The following ZNF385D variants were observed in gnomAD, a reference collection of about 807,000 sequenced individuals.
ZNF385D encodes the protein zinc finger protein 659.
A neutral mutation model predicts 35.8 loss-of-function variants in ZNF385D; 15 were observed. The observed-to-expected ratio is 0.42, with a 90% confidence interval of 0.28 to 0.64. The LOEUF (loss-of-function observed/expected upper bound fraction) is 0.64, where lower values mean the gene tolerates loss of function less well. Ranked by LOEUF, ZNF385D falls within the 30% of genes least tolerant of loss-of-function variation. ZNF385D has a pLI of 0.23. For synonymous variants in ZNF385D, 212 were observed against 186.8 expected, an observed-to-expected ratio of 1.13 and a Z score of -1.10; for missense variants, 474 against 494.6, an observed-to-expected ratio of 0.96 and a Z score of 0.39.
chr3:21,756,237 T>C (rs1237497526), intron 3 of ZNF385D, among the ~76,000 whole-genome samples: 5 of 152,192 alleles, frequency 3.3e-5, no homozygotes, highest in Non-Finnish European at 7.3e-5. Flanking sequence ...AGTGGTCAGA[T>C]TCTCTACATG....
chr3:21,877,659 CT>C (rs1458199644), intron 3 of ZNF385D, among the ~76,000 whole-genome samples: 1 of 152,012 alleles, frequency 6.6e-6, no homozygotes, highest in Admixed American at 6.6e-5. Flanking sequence ...GTTAATAAAG[CT>C]AATTTTCTTA....
intron 2 of ZNF385D, among the ~76,000 whole-genome samples, chr3:22,234,682 T>C (rs747914620): frequency 7.9e-5 from 12 of 152,084 alleles, no homozygotes; most frequent in Non-Finnish European, 1.6e-4. Flanking sequence ...ATTTCATTTA[T>C]ACAAAATATT....
At chr3:21,641,152 A>G (rs1428932374) in intron 2 of ZNF385D, among the ~76,000 whole-genome samples, 4 of 152,002 alleles carry the variant, frequency 2.6e-5, no homozygotes, top group South Asian at 2.1e-4. Context: ...TGCTGTAACT[A>G]TTTCCTCACA....
chr3:21,550,594 C>A (rs941282945), intron 3 of ZNF385D, among the ~76,000 whole-genome samples: 4 of 152,084 alleles, frequency 2.6e-5, no homozygotes, highest in Non-Finnish European at 4.4e-5. Context: ...GTGATTCTCC[C>A]GCCTCAGCCT....
chr3:21,934,484 C>T (rs918253789), intron 3 of ZNF385D, among the ~76,000 whole-genome samples: 18 of 152,160 alleles, frequency 1.2e-4, no homozygotes, highest in African/African-American at 4.3e-4. Flanking sequence ...ATAATAATTA[C>T]ACCGTTAAAT....
intron 2 of ZNF385D, among the ~76,000 whole-genome samples, chr3:21,650,639 T>C (rs1361181573): frequency 6.6e-6 from 1 of 152,106 alleles, no homozygotes; most frequent in African/African-American, 2.4e-5. Context: ...ACATATATAA[T>C]GTATCATGTT....
chr3:21,534,790 C>G (rs1351759327), intron 3 of ZNF385D, among the ~76,000 whole-genome samples: 1 of 152,086 alleles, frequency 6.6e-6, no homozygotes, highest in Non-Finnish European at 1.5e-5. Context: ...GAAAGACACC[C>G]TGATGTCCTC....
intron 3 of ZNF385D, among the ~76,000 whole-genome samples, chr3:22,047,516 G>A (rs1227265507): frequency 6.6e-6 from 1 of 152,026 alleles, no homozygotes; most frequent in African/African-American, 2.4e-5. Flanking sequence ...TTCTGTGCCT[G>A]TCTTATTTCA....
At chr3:21,977,491 A>C (rs1703705234) in intron 3 of ZNF385D, among the ~76,000 whole-genome samples, 1 of 152,010 alleles carries the variant, frequency 6.6e-6, no homozygotes, top group Non-Finnish European at 1.5e-5. Flanking sequence ...AGTAATAAAG[A>C]TAGGGTGGGA....
intron 3 of ZNF385D, among the ~76,000 whole-genome samples, chr3:21,938,555 G>A (rs1701370139): frequency 1.3e-5 from 2 of 152,104 alleles, no homozygotes; most frequent in South Asian, 2.1e-4. Context: ...ACTCCCTACT[G>A]TCTCACAATG....
chr3:22,172,238 A>C (rs1576442199), intron 2 of ZNF385D, among the ~76,000 whole-genome samples: 1 of 152,218 alleles, frequency 6.6e-6, no homozygotes, highest in East Asian at 1.9e-4. Context: ...AAGAACTGGA[A>C]TTATCCTGAG....
chr3:21,767,346 C>T (rs944508225), intron 3 of ZNF385D, among the ~76,000 whole-genome samples: 4 of 151,094 alleles, frequency 2.6e-5, no homozygotes, highest in Non-Finnish European at 5.9e-5. Context: ...TTTAGCTCAA[C>T]TGCCACTTGT....
intron 2 of ZNF385D, among the ~76,000 whole-genome samples, chr3:22,235,875 T>C (rs149693449): frequency 3.9e-5 from 6 of 152,258 alleles, no homozygotes; most frequent in East Asian, 1.9e-4. Context: ...CCCAGATTCA[T>C]GTTCGACAAA....
chr3:22,333,196 T>C (rs1695016050), intron 2 of ZNF385D, among the ~76,000 whole-genome samples: 2 of 152,182 alleles, frequency 1.3e-5, no homozygotes, highest in South Asian at 2.1e-4. Flanking sequence ...ATTGACCCTT[T>C]ATAAGTTTTT....
chr3:22,298,550 T>TACACAC (rs1419004626), intron 2 of ZNF385D, among the ~76,000 whole-genome samples: 8 of 124,240 alleles, frequency 6.4e-5, no homozygotes, highest in Non-Finnish European at 8.9e-5. Context: ...CATTTATGTA[T>TACACAC]ATACACACAT....
chr3:21,914,681 A>C (rs1311167686), intron 3 of ZNF385D, among the ~76,000 whole-genome samples: 2 of 152,112 alleles, frequency 1.3e-5, no homozygotes, highest in Non-Finnish European at 2.9e-5. Flanking sequence ...CAAACACTGT[A>C]CATTGCTGCT....
intron 3 of ZNF385D, among the ~76,000 whole-genome samples, chr3:22,118,782 G>A (rs917362904): frequency 2.6e-5 from 4 of 151,960 alleles, no homozygotes; most frequent in African/African-American, 9.7e-5. Context: ...GAATTTCACA[G>A]GCCTTAGGAA....
intron 3 of ZNF385D, among the ~76,000 whole-genome samples, chr3:21,870,054 T>C (rs1022970744): frequency 1.3e-5 from 2 of 152,118 alleles, no homozygotes; most frequent in African/African-American, 4.8e-5. Flanking sequence ...CTCATTCTCA[T>C]TGTTAAATTT....
At chr3:21,663,053 T>C (rs567223686) in intron 2 of ZNF385D, among the ~76,000 whole-genome samples, 6 of 152,224 alleles carry the variant, frequency 3.9e-5, no homozygotes, top group Admixed American at 1.3e-4. Context: ...TAACAGGCAG[T>C]TCTGAGATTT....
Sources: allele counts gnomAD v4.1 joint callset (sites outside exome capture counted in the v4.1 genomes callset), GRCh38; gene constraint gnomAD v4.1.1; transcripts MANE v1.5; gene names NCBI Gene and HGNC (gene_info 2026-07-23, HGNC 2026-07-21).